The following CFAP20DC variants were observed in gnomAD, a reference collection of about 807,000 sequenced individuals.
CFAP20DC encodes the protein protein CFAP20DC.
CFAP20DC carries 84 observed loss-of-function variants against 101.7 expected under a neutral mutation model. The ratio of observed to expected loss-of-function variants is 0.83; its 90% CI spans 0.69 to 0.99. The LOEUF (loss-of-function observed/expected upper bound fraction) is 0.99, where lower values mean the gene tolerates loss of function less well. CFAP20DC is among the 50% of genes least tolerant of loss of function. The pLI, the probability that CFAP20DC is intolerant of heterozygous loss-of-function variation, is 0.00. For synonymous variants in CFAP20DC, 359 were observed against 351.2 expected, an observed-to-expected ratio of 1.02 and a Z score of -0.25; for missense variants, 1,007 against 970.3, an observed-to-expected ratio of 1.04 and a Z score of -0.50.
intron 7 of CFAP20DC, among the ~76,000 whole-genome samples, chr3:58,876,288 C>T (rs1030176982): frequency 4.6e-5 from 7 of 152,022 alleles, no homozygotes; most frequent in Non-Finnish European, 1.0e-4. Context: ...TATGCATCTA[C>T]CATAATCGGG....
chr3:58,785,956 T>C (rs1048210371), intron 15 of CFAP20DC, among the ~76,000 whole-genome samples: 1 of 152,134 alleles, frequency 6.6e-6, no homozygotes, highest in Admixed American at 6.6e-5. Flanking sequence ...ATTTACCTTC[T>C]CACAGTTTCT....
chr3:59,033,786 A>C (rs2094042116), intron 4 of CFAP20DC, among the ~76,000 whole-genome samples: 1 of 152,236 alleles, frequency 6.6e-6, no homozygotes, highest in South Asian at 2.1e-4. Flanking sequence ...TCAGGATATT[A>C]ACCAGGAGAA....
chr3:58,986,120 C>T (rs1017138749), intron 4 of CFAP20DC, among the ~76,000 whole-genome samples: 3 of 152,162 alleles, frequency 2.0e-5, no homozygotes, highest in African/African-American at 7.2e-5. Flanking sequence ...GCTACAAATA[C>T]ATAGTCTGCG....
At position 58,722,710 on chromosome 3, in the gene CFAP20DC, ATTG is replaced by A. The variant is rs1371450859; in HGVS notation, c.198-5085_198-5083del. Among the ~76,000 whole-genome samples the A allele has an allele frequency of 6.6e-6, 1 of 151,886 alleles. No individual in the cohort carries two copies. Among genetic ancestry groups the A allele is most frequent in the Non-Finnish European group, 1.5e-5 (1 of 68,006 alleles). On this transcript the variant is annotated intron_variant, in intron 3 of 3. Coordinates refer to the CFAP20DC transcript ENST00000486145. The surrounding 1 kb of genome is among the most constrained non-coding windows in gnomAD (Gnocchi z 4.5). ...GATTTTCTGCCCGAGTCCTTATTTA[ATTG>A]TTATTTTGGGATCAGTTGCTTTTGA...
intron 4 of CFAP20DC, among the ~76,000 whole-genome samples, chr3:59,039,206 T>A (rs933066703): frequency 6.6e-6 from 1 of 152,070 alleles, no homozygotes; most frequent in Non-Finnish European, 1.5e-5. Flanking sequence ...CCAACCATAG[T>A]TTTGAATAGC....
In CFAP20DC at chr3:58,861,522, A is replaced by C; in HGVS notation, c.1593+2036T>G. 3.1e-6 allele frequency: 3 copies of C among 967,312 alleles called. No individual in the cohort carries two copies. The highest frequency in any genetic ancestry group is 3.7e-6 in the Non-Finnish European group (3 of 813,418). 59.9% of individuals were successfully genotyped at this position (967,312 alleles called of 1,614,324 possible). On this transcript the variant is annotated intron_variant, in intron 12 of 16. Transcript: ENST00000482387. This position sits in a 1 kb window ranked among gnomAD's most constrained non-coding sequence, Gnocchi z 4.0. The stretch of plus-strand genomic sequence containing the variant: ...AGAAGAAGCTATCCTACAGGAAAAG[A>C]AATTACCAAAAGTACAAAAGAAAAA...
At chr3:58,849,011 A>C (rs1453664239) in intron 13 of CFAP20DC, 21 bp downstream of exon 13, 22 of 1,530,110 alleles carry the variant, frequency 1.4e-5, no homozygotes, top group Non-Finnish European at 1.9e-5. Flanking sequence ...GGCATCTGTA[A>C]ACCACACGGG....
intron 5 of CFAP20DC, among the ~76,000 whole-genome samples, chr3:58,920,158 G>A (rs957154178): frequency 2.0e-5 from 3 of 147,182 alleles, no homozygotes; most frequent in East Asian, 4.0e-4. Context: ...ACTGCCAGTG[G>A]AGGCTGACTG....
chr3:58,990,757 G>C (rs1357903417), intron 4 of CFAP20DC, among the ~76,000 whole-genome samples: 3 of 140,588 alleles, frequency 2.1e-5, no homozygotes, highest in Non-Finnish European at 4.6e-5. Flanking sequence ...CTCAGCTGGT[G>C]TGTGTGTGTG....
chr3:58,838,709 G>A (rs2108141168), intron 13 of CFAP20DC, among the ~76,000 whole-genome samples: 1 of 152,228 alleles, frequency 6.6e-6, no homozygotes, highest in South Asian at 2.1e-4. Flanking sequence ...CTAATTTTCA[G>A]AAAGAATTCT....
At chr3:58,836,818 A>T (rs1181979422) in intron 13 of CFAP20DC, among the ~76,000 whole-genome samples, 1 of 152,180 alleles carries the variant, frequency 6.6e-6, no homozygotes, top group Non-Finnish European at 1.5e-5. Flanking sequence ...TACAAAGGAA[A>T]TGGTGGCTGT....
At chr3:58,873,901 G>C (rs1242308862) in intron 7 of CFAP20DC, among the ~76,000 whole-genome samples, 1 of 151,950 alleles carries the variant, frequency 6.6e-6, no homozygotes, top group African/African-American at 2.4e-5. Flanking sequence ...CAGAAGTCTG[G>C]ATAGCTGTTC....
intron 14 of CFAP20DC, among the ~76,000 whole-genome samples, chr3:58,812,460 A>T (rs1028418635): frequency 3.7e-4 from 57 of 152,084 alleles, no homozygotes; most frequent in Non-Finnish European, 6.8e-4. Flanking sequence ...CAAGAACAAA[A>T]AACCAAACAC....
intron 15 of CFAP20DC, among the ~76,000 whole-genome samples, chr3:58,761,144 A>G (rs1229038363): frequency 1.3e-5 from 2 of 152,162 alleles, no homozygotes; most frequent in Non-Finnish European, 2.9e-5. Context: ...GGTACAATTC[A>G]GCTGTGAATC....
intron 4 of CFAP20DC, among the ~76,000 whole-genome samples, chr3:58,962,868 T>C (rs2091254136): frequency 6.6e-6 from 1 of 152,022 alleles, no homozygotes; most frequent in African/African-American, 2.4e-5. Context: ...CGCAGGTACT[T>C]ATTAAAGCTC....
At chr3:58,723,203 T>A (rs1435252872) in intron 3 of CFAP20DC, among the ~76,000 whole-genome samples, 1 of 152,266 alleles carries the variant, frequency 6.6e-6, no homozygotes, top group Admixed American at 6.5e-5. Context: ...TAACTGTGAA[T>A]AAATTGCTTA....
In CFAP20DC at chr3:58,899,574, CCA is replaced by C. The variant is rs1210873442; in HGVS notation, c.550+14132_550+14133del. 6.6e-6 allele frequency among the ~76,000 whole-genome samples: 1 copy of C among 152,174 alleles called. No homozygotes were observed. Among genetic ancestry groups the C allele is most frequent in the East Asian group, 1.9e-4 (1 of 5,190 alleles). Reference sequence around the variant, plus strand: ...CCTGAGTGGCTGCTCTGCTGGGACTCCACACAGCTCTGTTTATTGGACCCAGT... The same window carrying C: ...CCTGAGTGGCTGCTCTGCTGGGACTCCACAGCTCTGTTTATTGGACCCAGT... On this transcript the variant is annotated intron_variant, in intron 6 of 16. Coordinates refer to ENST00000482387, the MANE Select transcript of CFAP20DC (RefSeq NM_001394063.1). This position sits in a 1 kb window ranked among gnomAD's most constrained non-coding sequence, Gnocchi z 5.0.
intron 4 of CFAP20DC, among the ~76,000 whole-genome samples, chr3:58,957,795 T>A (rs2090775503): frequency 6.6e-6 from 1 of 151,912 alleles, no homozygotes; most frequent in African/African-American, 2.4e-5. Flanking sequence ...AATCTGAAAA[T>A]CAAAACAATT....
intron 15 of CFAP20DC, among the ~76,000 whole-genome samples, chr3:58,755,006 C>T (rs1352846402): frequency 1.3e-5 from 2 of 152,092 alleles, no homozygotes; most frequent in Non-Finnish European, 2.9e-5. Context: ...GACTTACCTA[C>T]AATGATAAAT....
Sources: gnomAD v4.1 joint callset for allele counts (sites outside exome capture counted in the v4.1 genomes callset) on GRCh38, gnomAD v4.1.1 for gene constraint, Gnocchi (gnomAD v3.1) non-coding constraint, MANE v1.5 for transcripts, NCBI Gene and HGNC (gene_info 2026-07-23, HGNC 2026-07-21) for gene names.